The following TTC28 variants were observed in gnomAD, a reference collection of about 807,000 sequenced individuals.
TTC28 encodes tetratricopeptide repeat domain 28.
In TTC28, 61 loss-of-function variants were observed where a neutral mutation model predicts 198.0. The observed-to-expected ratio is 0.31, with a 90% CI of 0.25 to 0.38. The LOEUF (loss-of-function observed/expected upper bound fraction) is 0.38. Among genes scored for constraint, TTC28 ranks in the 10% least tolerant of loss-of-function variants. The probability of loss-of-function intolerance (pLI) is 1.00; values close to 1 mark genes in which losing one functional copy is unlikely to be tolerated. For synonymous variants in TTC28, 1,171 were observed against 1,297.8 expected (o/e 0.90, Z 2.10); for missense variants, 2,678 against 3,164.0 (o/e 0.85, Z 3.69).
intron 2 of TTC28, among the ~76,000 whole-genome samples, chr22:28,336,878 C>T (rs192718709): frequency 2.0e-5 from 3 of 152,204 alleles, no homozygotes; most frequent in South Asian, 2.1e-4. Context: ...TTGCCTTCTG[C>T]TAGCTTTTGA....
intron 21 of TTC28, among the ~76,000 whole-genome samples, chr22:27,987,787 C>G (rs1937264600): frequency 6.6e-6 from 1 of 152,244 alleles, no homozygotes; most frequent in South Asian, 2.1e-4. Context: ...TGCCCTATGG[C>G]TTCTCACAGA....
chr22:27,991,012 G>GCGTGC (rs1937382315), intron 19 of TTC28, among the ~76,000 whole-genome samples, 200 bp from the exon 20 acceptor site: 1 of 152,144 alleles, frequency 6.6e-6, no homozygotes, highest in Admixed American at 6.5e-5. Context: ...CAGGCCAGCC[G>GCGTGC]CGTGCGGATC....
intron 2 of TTC28, among the ~76,000 whole-genome samples, chr22:28,627,723 G>A (rs1045648222): frequency 1.3e-5 from 2 of 151,248 alleles, no homozygotes; most frequent in African/African-American, 4.9e-5. Flanking sequence ...TGAAGCCACC[G>A]TGCCCAGCCC....
At chr22:28,154,031 A>C (rs2147026367) in intron 6 of TTC28, among the ~76,000 whole-genome samples, 1 of 152,260 alleles carries the variant, frequency 6.6e-6, no homozygotes, top group South Asian at 2.1e-4. Flanking sequence ...AGAGAGGAGA[A>C]ACTGAGTCAT....
intron 2 of TTC28, among the ~76,000 whole-genome samples, chr22:28,331,457 A>G (rs552320893): frequency 6.6e-6 from 1 of 152,274 alleles, no homozygotes; most frequent in East Asian, 1.9e-4. Flanking sequence ...CACAGAATAG[A>G]TAGCCAATGA....
intron 5 of TTC28, among the ~76,000 whole-genome samples, chr22:28,219,401 C>T (rs1290070129): frequency 1.3e-5 from 2 of 151,516 alleles, no homozygotes; most frequent in Middle Eastern, 3.4e-3. Context: ...CCCAGCTACT[C>T]GGGAGGCTGA....
At chr22:28,397,871 A>C (rs761257422) in intron 2 of TTC28, among the ~76,000 whole-genome samples, 2 of 152,230 alleles carry the variant, frequency 1.3e-5, no homozygotes, top group Non-Finnish European at 1.5e-5. Flanking sequence ...GGAATTCTTC[A>C]ACACTCCAGA....
intron 3 of TTC28, among the ~76,000 whole-genome samples, chr22:28,299,654 T>C (rs16986280): frequency 0.022 from 3,318 of 152,254 alleles, 252 homozygotes; most frequent in East Asian, 0.16. Context: ...TCAATGTTGA[T>C]CACATCAGCA....
intron 19 of TTC28, among the ~76,000 whole-genome samples, 164 bp from the exon 20 acceptor site, chr22:27,990,976 C>G (rs1404142641): frequency 6.6e-6 from 1 of 152,130 alleles, no homozygotes; most frequent in Admixed American, 6.5e-5. Context: ...CAGCAGGGGA[C>G]ACACAGGAGA....
intron 1 of TTC28, among the ~76,000 whole-genome samples, chr22:28,651,678 CTG>C (rs1478672088): frequency 6.6e-6 from 1 of 152,162 alleles, no homozygotes; most frequent in African/African-American, 2.4e-5. Flanking sequence ...TCCCAAAGTG[CTG>C]GGATTACAGG....
chr22:28,075,398 A>G (rs1020148229), intron 12 of TTC28, among the ~76,000 whole-genome samples: 1 of 151,944 alleles, frequency 6.6e-6, no homozygotes, highest in Admixed American at 6.5e-5. Context: ...TTTTTCCTCA[A>G]GCAGATACAG....
chr22:28,034,747 G>A (rs182387034), intron 12 of TTC28, among the ~76,000 whole-genome samples: 82 of 152,334 alleles, frequency 5.4e-4, no homozygotes, highest in African/African-American at 1.9e-3. Flanking sequence ...ACCTCCTGGC[G>A]AGGGCTGAGA....
At chr22:28,323,729 C>A (rs1444171437) in intron 2 of TTC28, among the ~76,000 whole-genome samples, 2 of 151,996 alleles carry the variant, frequency 1.3e-5, no homozygotes, top group African/African-American at 4.8e-5. Context: ...AGAATTTTGC[C>A]AACCTAGAGA....
intron 5 of TTC28, among the ~76,000 whole-genome samples, chr22:28,236,166 C>T (rs1929231964): frequency 1.3e-5 from 2 of 152,218 alleles, no homozygotes; most frequent in South Asian, 4.1e-4. Context: ...CGCAGCTAGA[C>T]ATGCTTGGCT....
intron 5 of TTC28, among the ~76,000 whole-genome samples, chr22:28,197,146 T>C (rs1925436118): frequency 6.6e-6 from 1 of 151,696 alleles, no homozygotes; most frequent in Non-Finnish European, 1.5e-5. Flanking sequence ...CTGGAAACCA[T>C]CACTCTCAGC....
At chr22:28,499,258 G>GA (rs1176012006) in intron 2 of TTC28, among the ~76,000 whole-genome samples, 2 of 152,150 alleles carry the variant, frequency 1.3e-5, no homozygotes, top group East Asian at 3.9e-4. Flanking sequence ...ATGTGACTGT[G>GA]AAAAAATGTG....
intron 2 of TTC28, among the ~76,000 whole-genome samples, chr22:28,610,401 C>T (rs2050800884): frequency 6.6e-6 from 1 of 152,176 alleles, no homozygotes; most frequent in Admixed American, 6.5e-5. Context: ...GAACAGGCAG[C>T]AATCTTTGCC....
rs1424825487 is a variant in TTC28, at chr22:27,982,902, T to C, written c.6765A>G (p.Ser2255=). 18 of 1,551,440 alleles carry C rather than the reference T, an allele frequency of 1.2e-5. No homozygotes were observed. Among genetic ancestry groups the C allele is most frequent in the Non-Finnish European group, 1.6e-5 (18 of 1,146,950 alleles). ...TCGGGCTGTCTTTGATGGACATCTC[T>C]GAGGTGGTGGGGCTGCTATATCCGG... The part of the protein sequence containing the change: ...VSSGYSSPTT[S]EMSIKDSPSQ... The change falls in exon 23 of 23, where the codon TCA becomes TCG. Residue 2255 remains serine (S), a synonymous_variant. Coordinates refer to ENST00000397906, the MANE Select transcript of TTC28 (RefSeq NM_001145418.2). This position sits in a 1 kb window ranked among gnomAD's most constrained non-coding sequence, Gnocchi z 5.2.
chr22:28,150,332 ATAT>A (rs1308827068), intron 6 of TTC28, among the ~76,000 whole-genome samples: 14 of 152,346 alleles, frequency 9.2e-5, no homozygotes, highest in Admixed American at 5.9e-4. Flanking sequence ...TCATCTCTAA[ATAT>A]TATCTTCAAA....
Sources: gnomAD v4.1 joint callset for allele counts (sites outside exome capture counted in the v4.1 genomes callset) on GRCh38, gnomAD v4.1.1 for gene constraint, Gnocchi (gnomAD v3.1) non-coding constraint, MANE v1.5 for transcripts, NCBI Gene and HGNC (gene_info 2026-07-23, HGNC 2026-07-21) for gene names.